Variants in GLI2 observed in about 807,000 individuals in gnomAD.
GLI2 encodes the protein GLI family zinc finger 2.
Under a neutral mutation model 78.9 loss-of-function variants are expected in GLI2, and 22 were observed. The observed-to-expected ratio is 0.28, with a 90% confidence interval of 0.20 to 0.40. GLI2 has a LOEUF of 0.40. GLI2 is among the 10% of genes least tolerant of loss of function. The pLI is 1.00. For synonymous variants in GLI2, 974 were observed against 963.7 expected (o/e 1.01, Z -0.20); for missense variants, 2,097 against 2,213.2 (o/e 0.95, Z 1.05).
chr2:120,928,984 C>T (rs75914651), intron 3 of GLI2, among the ~76,000 whole-genome samples: 5,913 of 152,218 alleles, frequency 0.039, 351 homozygotes, highest in African/African-American at 0.13. Context: ...CTGGATCCCA[C>T]GTGGCACTTG....
At chr2:120,770,721 G>A (rs1381625351) in intron 1 of GLI2, among the ~76,000 whole-genome samples, 1 of 152,200 alleles carries the variant, frequency 6.6e-6, no homozygotes, top group Non-Finnish European at 1.5e-5. Context: ...GTAGCACAGA[G>A]CGTTGTGCAG....
intron 2 of GLI2, among the ~76,000 whole-genome samples, chr2:120,864,605 G>A (rs953402668): frequency 1.3e-5 from 2 of 152,184 alleles, no homozygotes; most frequent in African/African-American, 4.8e-5. Context: ...CCAAGTAGCT[G>A]AAACTACAGG....
At chr2:120,760,771 C>G (rs1683190803) in intron 1 of GLI2, among the ~76,000 whole-genome samples, 1 of 152,132 alleles carries the variant, frequency 6.6e-6, no homozygotes, top group Admixed American at 6.5e-5. Context: ...TGGTGTCTGC[C>G]TCCTTGCAAA....
At chr2:120,860,395 T>C (rs1687850965) in intron 2 of GLI2, among the ~76,000 whole-genome samples, 1 of 152,110 alleles carries the variant, frequency 6.6e-6, no homozygotes, top group African/African-American at 2.4e-5. Context: ...GGTCCTGAGA[T>C]TCTCTCAGGC....
At chr2:120,820,448 C>T (rs915216616) in intron 2 of GLI2, among the ~76,000 whole-genome samples, 2 of 151,848 alleles carry the variant, frequency 1.3e-5, no homozygotes, top group South Asian at 2.1e-4. Context: ...CAGGCAGTAA[C>T]GTCAGAGGCT....
chr2:120,815,957 A>G lies in GLI2; in HGVS notation c.148+18489A>G, dbSNP rs552306876. On this transcript the variant is annotated intron_variant, in intron 2 of 13. Coordinates refer to ENST00000361492, the MANE Select transcript of GLI2 (RefSeq NM_001374353.1). ...CCTGCCTTCCTGTACTTCCAGCTTC[A>G]TGATGGATAGGTGGATGCACATGGG... Among the ~76,000 whole-genome samples the G allele has an allele frequency of 4.1e-4, 62 of 152,270 alleles. 1 individual carries two copies. In the Middle Eastern group the frequency reaches 0.017, roughly 42 times the overall value.
intron 1 of GLI2, among the ~76,000 whole-genome samples, chr2:120,758,551 T>C (rs1683106561): frequency 6.6e-6 from 1 of 152,268 alleles, no homozygotes; most frequent in Non-Finnish European, 1.5e-5. Flanking sequence ...CCTGCCTACA[T>C]ACCTAGGAGA....
At chr2:120,797,097 G>A (rs1044438201) in intron 1 of GLI2, among the ~76,000 whole-genome samples, 194 bp from the exon 2 acceptor site, 1 of 152,204 alleles carries the variant, frequency 6.6e-6, no homozygotes, top group Non-Finnish European at 1.5e-5. Context: ...GCAGTTGTCC[G>A]TGAGGTCGTT....
chr2:120,797,096 C>T (rs75162226), intron 1 of GLI2, among the ~76,000 whole-genome samples, 195 bp from the exon 2 acceptor site: 48 of 152,250 alleles, frequency 3.2e-4, no homozygotes, highest in East Asian at 2.7e-3. Context: ...TGCAGTTGTC[C>T]GTGAGGTCGT....
intron 2 of GLI2, among the ~76,000 whole-genome samples, chr2:120,808,257 T>A (rs546835607): frequency 6.6e-6 from 1 of 152,178 alleles, no homozygotes; most frequent in East Asian, 1.9e-4. Flanking sequence ...GCCAAGCATG[T>A]GGTCTCTGTG....
chr2:120,800,058 A>G lies in GLI2; in HGVS notation c.148+2590A>G, dbSNP rs1002478686. Among the ~76,000 whole-genome samples, 3 of 152,172 alleles carry G rather than the reference A, an allele frequency of 2.0e-5. No individual in the cohort carries two copies. The highest frequency in any genetic ancestry group is 4.4e-5 in the Non-Finnish European group (3 of 68,042). ...GGCATTGGTGAAGGAGGAAGTCTTC[A>G]TGGGCCAGAAGCGTTTGCTGCAGCC... On this transcript the variant is annotated intron_variant, in intron 2 of 13. Coordinates refer to ENST00000361492, the MANE Select transcript of GLI2 (RefSeq NM_001374353.1). This position sits in a 1 kb window ranked among gnomAD's most constrained non-coding sequence, Gnocchi z 4.1.
At chr2:120,957,160 A>G (rs536929223) in intron 5 of GLI2, among the ~76,000 whole-genome samples, 2 of 152,146 alleles carry the variant, frequency 1.3e-5, no homozygotes, top group Non-Finnish European at 2.9e-5. Flanking sequence ...CCTCATGGAT[A>G]TGGTCCTCGC....
chr2:120,809,327 C>T (rs1685119068), intron 2 of GLI2, among the ~76,000 whole-genome samples: 1 of 152,110 alleles, frequency 6.6e-6, no homozygotes, highest in African/African-American at 2.4e-5. Flanking sequence ...TCCATAGAGA[C>T]AGAAGGGAGA....
chr2:120,757,116 G>T (rs916048574), intron 1 of GLI2, among the ~76,000 whole-genome samples: 3 of 151,894 alleles, frequency 2.0e-5, no homozygotes, highest in African/African-American at 7.3e-5. Flanking sequence ...TTGGACACAG[G>T]AATTCATTTA....
intron 1 of GLI2, among the ~76,000 whole-genome samples, chr2:120,759,802 C>CCATCCTGCCT (rs1683160908): frequency 6.6e-6 from 1 of 152,176 alleles, no homozygotes; most frequent in African/African-American, 2.4e-5. Context: ...CTTGGATTTT[C>CCATCCTGCCT]AGGTGACCGG....
At chr2:120,920,866 G>A (rs554211470) in intron 2 of GLI2, among the ~76,000 whole-genome samples, 24 of 149,170 alleles carry the variant, frequency 1.6e-4, no homozygotes, top group African/African-American at 5.9e-4. Context: ...TCTGCCGGAA[G>A]GACATGATTA....
At chr2:120,836,740 G>A (rs1222237819) in intron 2 of GLI2, among the ~76,000 whole-genome samples, 1 of 152,214 alleles carries the variant, frequency 6.6e-6, no homozygotes, top group Non-Finnish European at 1.5e-5. Flanking sequence ...GCAACACAAC[G>A]TGTGTTTCTT....
At chr2:120,978,350 G>T in intron 9 of GLI2, 84 bp from the exon 10 acceptor site, 1 of 1,491,032 alleles carries the variant, frequency 6.7e-7, no homozygotes, top group Non-Finnish European at 9.4e-7. Flanking sequence ...GGGGGGTGCC[G>T]GTGCAGGTGG....
chr2:120,787,454 C>G (rs1371820778), intron 1 of GLI2, among the ~76,000 whole-genome samples: 1 of 152,170 alleles, frequency 6.6e-6, no homozygotes, highest in Non-Finnish European at 1.5e-5. Context: ...ATTAAGGGGG[C>G]CTTGGCATGG....
Sources: gnomAD v4.1 joint callset for allele counts (sites outside exome capture counted in the v4.1 genomes callset) on GRCh38, gnomAD v4.1.1 for gene constraint, Gnocchi (gnomAD v3.1) non-coding constraint, MANE v1.5 for transcripts, NCBI Gene and HGNC (gene_info 2026-07-23, HGNC 2026-07-21) for gene names.